Variants in SHFL observed in about 807,000 individuals in gnomAD.
SHFL encodes shiftless antiviral inhibitor of ribosomal frameshifting, also known as shiftless antiviral inhibitor of ribosomal frameshifting protein.
A neutral mutation model predicts 34.7 loss-of-function variants in SHFL; 12 were observed. That is an observed-to-expected ratio of 0.35 (90% CI 0.22 to 0.56). The LOEUF (loss-of-function observed/expected upper bound fraction) is 0.56. SHFL is among the 20% of genes least tolerant of loss of function. The pLI, the probability that SHFL is intolerant of heterozygous loss-of-function variation, is 0.88. For synonymous variants in SHFL, 148 were observed against 156.0 expected, an observed-to-expected ratio of 0.95 and a Z score of 0.38; for missense variants, 278 against 411.1, an observed-to-expected ratio of 0.68 and a Z score of 2.80.
rs758197703 is a variant in SHFL, at chr19:10,092,150, A to G, written c.724A>G (p.Asn242Asp). ...NHLPKVLHPS[N>D]PHISSGSTVA... Reference sequence around the variant, plus strand: ...CCTGCCCAAAGTGCTCCACCCCAGCAACCCTCACATTAGCAGTGGCTCCAC... The same window carrying G: ...CCTGCCCAAAGTGCTCCACCCCAGCGACCCTCACATTAGCAGTGGCTCCAC... The change falls in exon 8 of 8, where the codon AAC becomes GAC. Residue 242 changes from asparagine to aspartate, a missense_variant. This residue lies in a region of SHFL where 243 missense variants were observed against 386.2 expected (regional missense o/e 0.63). Transcript: ENST00000253110. The G allele has an allele frequency of 6.2e-7, 1 of 1,613,714 alleles. No homozygotes were observed. The highest frequency in any genetic ancestry group is 8.5e-7 in the Non-Finnish European group (1 of 1,179,810).
chr19:10,089,593 A>T, intron 3 of SHFL, 64 bp from the exon 4 acceptor site: 2 of 1,551,394 alleles, frequency 1.3e-6, no homozygotes, highest in Non-Finnish European at 1.7e-6. Context: ...GGCCTCCCCC[A>T]GCAAACGGGT....
In SHFL at chr19:10,091,827, C is replaced by A; in HGVS notation, c.643+197C>A. On this transcript the variant is annotated intron_variant, in intron 7 of 7. Coordinates refer to ENST00000253110, the MANE Select transcript of SHFL (RefSeq NM_018381.4). The surrounding 1 kb of genome is among the most constrained non-coding windows in gnomAD (Gnocchi z 8.2). ...ACCCCAGTGGCCCGTGCCTGAGGGT[C>A]CCCATGGCCTCTGCCCCCATGGTCT... The A allele has an allele frequency of 1.1e-6, 1 of 922,700 alleles. No individual in the cohort carries two copies. The highest frequency in any genetic ancestry group is 1.7e-5 in the African/African-American group (1 of 59,820). 57.2% of individuals were successfully genotyped at this position (922,700 alleles called of 1,614,324 possible).
intron 2 of SHFL, 33 bp from the exon 3 acceptor site, chr19:10,087,218 G>C: frequency 6.2e-7 from 1 of 1,613,688 alleles, no homozygotes; most frequent in Non-Finnish European, 8.5e-7. Context: ...GACCCTTCAA[G>C]GGCCCTTCCC....
At chr19:10,087,150 A>C (rs998742600) in intron 2 of SHFL, 98 bp downstream of exon 2, 281 of 1,589,916 alleles carry the variant, frequency 1.8e-4, no homozygotes, top group Non-Finnish European at 2.4e-4. Flanking sequence ...CCTCCCCCGG[A>C]GGTCCCAGCC....
chr19:10,089,333 C>G, intron 3 of SHFL: 1 of 1,598,452 alleles, frequency 6.3e-7, no homozygotes, highest in Non-Finnish European at 8.5e-7. Context: ...CTCAAAGGGG[C>G]GATATGTCAC....
At position 10,092,687 on chromosome 19, in the gene SHFL, G is replaced by C. The variant is rs201518909; in HGVS notation, c.*385G>C. ...TAGACACCATCCTGGTAGCGGCTTCGGTAGTGGCCGCCGTGGTGCCACACA... is the reference window on the plus strand; with the variant it reads ...TAGACACCATCCTGGTAGCGGCTTCCGTAGTGGCCGCCGTGGTGCCACACA... On this transcript the variant is annotated 3_prime_UTR_variant, in exon 8 of 8. Transcript: ENST00000253110. 7 of 1,614,022 alleles carry C rather than the reference G, an allele frequency of 4.3e-6. No homozygotes were observed. Among genetic ancestry groups the C allele is most frequent in the Non-Finnish European group, 5.9e-6 (7 of 1,179,920 alleles).
intron 5 of SHFL, chr19:10,090,248 C>A: frequency 1.6e-6 from 1 of 615,792 alleles, no homozygotes; most frequent in Non-Finnish European, 2.8e-6. Flanking sequence ...GTGAGAAGCC[C>A]AATACCTCCT....
intron 3 of SHFL, chr19:10,089,268 T>C (rs1415443575): frequency 6.3e-6 from 10 of 1,586,118 alleles, no homozygotes; most frequent in Non-Finnish European, 8.5e-6. Context: ...CTGGAAGTGA[T>C]ACAGCTGGGA....
chr19:10,091,043 G>A lies in SHFL; in HGVS notation c.385-207G>A, dbSNP rs2088376133. ...CTAGTTCTTGCAAAAGAGGCAGGAA[G>A]CCAAGATGTGTAGTGTTTGCCAATT... On this transcript the variant is annotated intron_variant, in intron 5 of 7. Coordinates refer to ENST00000253110, the MANE Select transcript of SHFL (RefSeq NM_018381.4). This position sits in a 1 kb window ranked among gnomAD's most constrained non-coding sequence, Gnocchi z 8.2. 6.6e-6 allele frequency among the ~76,000 whole-genome samples: 1 copy of A among 152,168 alleles called. No individual in the cohort carries two copies. Among genetic ancestry groups the A allele is most frequent in the African/African-American group, 2.4e-5 (1 of 41,434 alleles).
intron 3 of SHFL, 81 bp downstream of exon 3, chr19:10,087,381 T>G (rs1397445045): frequency 2.0e-6 from 3 of 1,480,450 alleles, no homozygotes; most frequent in Admixed American, 3.4e-5. Context: ...TCATGGTGAC[T>G]GACCCCCCTC....
rs201072093 is a variant in SHFL, at chr19:10,091,190, C to G, written c.385-60C>G. 3.0e-4 allele frequency: 443 copies of G among 1,495,350 alleles called. No homozygotes were observed. Among genetic ancestry groups the G allele is most frequent in the Admixed American group, 3.8e-4 (21 of 55,524 alleles). The allele number at this position is 1,495,350 out of a possible 1,614,324, so 92.6% of individuals were successfully genotyped here. ...GCACACTGCTAGCCCTGACCCCAAC[C>G]TCAGACACCTCTGACAATCCTTGGT... On this transcript the variant is annotated intron_variant, in intron 5 of 7. Transcript: ENST00000253110. The surrounding 1 kb of genome is among the most constrained non-coding windows in gnomAD (Gnocchi z 8.2).
chr19:10,092,444 A>G lies in SHFL; in HGVS notation c.*142A>G, dbSNP rs1047306661. 1 of 1,519,934 alleles carries G rather than the reference A, an allele frequency of 6.6e-7. No homozygotes were observed. Among genetic ancestry groups the G allele is most frequent in the Non-Finnish European group, 8.8e-7 (1 of 1,130,894 alleles). The allele number at this position is 1,519,934 out of a possible 1,614,324, so 94.2% of individuals were successfully genotyped here. Reference sequence around the variant, plus strand: ...TTGACGGGGGGGATTCCTGGGTCCCATTTTCAGCGCCCAGGGTCACAGATC... The same window carrying G: ...TTGACGGGGGGGATTCCTGGGTCCCGTTTTCAGCGCCCAGGGTCACAGATC... On this transcript the variant is annotated 3_prime_UTR_variant, in exon 8 of 8. Coordinates refer to ENST00000253110, the MANE Select transcript of SHFL (RefSeq NM_018381.4).
In SHFL at chr19:10,091,319, G is replaced by C; in HGVS notation, c.454G>C (p.Glu152Gln). Residue 152 changes from glutamate to glutamine, a missense_variant, in exon 6 of 8, where the codon GAG becomes CAG. Coordinates refer to ENST00000253110, the MANE Select transcript of SHFL (RefSeq NM_018381.4). The surrounding 1 kb of genome is among the most constrained non-coding windows in gnomAD (Gnocchi z 8.2). ...VPADKMWGLA[E>Q]FHCPKCRHNF... is the part of the protein sequence containing the mutation. ...AGCTGACAAGATGTGGGGCCTGGCTGAGTTCCACTGCCCGAAGTGTCGGCA... is the reference window on the plus strand; with the variant it reads ...AGCTGACAAGATGTGGGGCCTGGCTCAGTTCCACTGCCCGAAGTGTCGGCA... 6.2e-7 allele frequency: 1 copy of C among 1,613,884 alleles called. No individual in the cohort carries two copies. The highest frequency in any genetic ancestry group is 8.5e-7 in the Non-Finnish European group (1 of 1,179,826).
At chr19:10,087,333 G>C in intron 3 of SHFL, 33 bp downstream of exon 3, 2 of 1,613,668 alleles carry the variant, frequency 1.2e-6, no homozygotes, top group Non-Finnish European at 1.7e-6. Flanking sequence ...AAAGGACCGG[G>C]TCACGGGAGG....
intron 5 of SHFL, among the ~76,000 whole-genome samples, chr19:10,090,920 G>A (rs912653678): frequency 6.7e-5 from 8 of 119,806 alleles, no homozygotes; most frequent in Non-Finnish European, 1.4e-4. Flanking sequence ...AAAAAAAAAA[G>A]AAAGAAAGAA....
rs373020340 is a variant in SHFL, at chr19:10,086,464, G to T, written c.21+16G>T. The T allele has an allele frequency of 1.5e-6, 2 of 1,371,700 alleles. No homozygotes were observed. The highest frequency in any genetic ancestry group is 1.9e-6 in the Non-Finnish European group (2 of 1,056,204). 85.0% of individuals were successfully genotyped at this position (1,371,700 alleles called of 1,614,324 possible). A position where few individuals can be genotyped will look rare whatever the true frequency, so the allele number is the denominator to read the frequency against. ...AGGTGTGGAGGTAAGCGATGGCTAC[G>T]GCTGGGCCGGGGTCAGCCGCGACAG... is the stretch of plus-strand genomic sequence containing the variant. On this transcript the variant is annotated intron_variant, in intron 1 of 7. Coordinates refer to ENST00000253110, the MANE Select transcript of SHFL (RefSeq NM_018381.4). This position sits in a 1 kb window ranked among gnomAD's most constrained non-coding sequence, Gnocchi z 5.2.
chr19:10,092,505 A>G lies in SHFL; in HGVS notation c.*203A>G, dbSNP rs1283202979. The G allele has an allele frequency of 1.4e-5, 22 of 1,522,148 alleles. No individual in the cohort carries two copies. Among genetic ancestry groups the G allele is most frequent in the Non-Finnish European group, 2.0e-5 (22 of 1,126,808 alleles). The allele number at this position is 1,522,148 out of a possible 1,614,324, so 94.3% of individuals were successfully genotyped here. A position where few individuals can be genotyped will look rare whatever the true frequency, so the allele number is the denominator to read the frequency against. On this transcript the variant is annotated 3_prime_UTR_variant, in exon 8 of 8. Coordinates refer to ENST00000253110, the MANE Select transcript of SHFL (RefSeq NM_018381.4). Reference sequence around the variant, plus strand: ...AGTTCTGTGGGACACATTGGCACTGAGCCACAAAGAAGGTGTGGCCAGAAC... The same window carrying G: ...AGTTCTGTGGGACACATTGGCACTGGGCCACAAAGAAGGTGTGGCCAGAAC...
At position 10,086,741 on chromosome 19, in the gene SHFL, T is replaced by A. The variant is rs1047703211; in HGVS notation, c.22-188T>A. The A allele has an allele frequency of 1.4e-6, 1 of 724,416 alleles. No homozygotes were observed. The highest frequency in any genetic ancestry group is 1.8e-5 in the African/African-American group (1 of 55,604). 44.9% of individuals were successfully genotyped at this position (724,416 alleles called of 1,614,324 possible). A position where few individuals can be genotyped will look rare whatever the true frequency, so the allele number is the denominator to read the frequency against. ...TGGGACGCTCGCCCCAGTCCGCGCC[T>A]TCCCCCAACGCCCTGTGGGGACTTT... On this transcript the variant is annotated intron_variant, in intron 1 of 7. Transcript: ENST00000253110. This position sits in a 1 kb window ranked among gnomAD's most constrained non-coding sequence, Gnocchi z 5.2.
chr19:10,088,173 T>G (rs1468905684), intron 3 of SHFL: 3 of 144,770 alleles, frequency 2.1e-5, no homozygotes, highest in Non-Finnish European at 4.5e-5. Context: ...GGCAGGAGAA[T>G]CACTTGAACC....
Sources: allele counts gnomAD v4.1 joint callset (sites outside exome capture counted in the v4.1 genomes callset), GRCh38; gene constraint gnomAD v4.1.1; regional missense constraint gnomAD v4.1.1; non-coding constraint Gnocchi (gnomAD v3.1); transcripts MANE v1.5; gene names NCBI Gene and HGNC (gene_info 2026-07-23, HGNC 2026-07-21).